The following EPHA6 variants were observed in gnomAD, a reference collection of about 807,000 sequenced individuals.
EPHA6 encodes ephrin type-A receptor 6.
EPHA6 carries 50 observed loss-of-function variants against 112.0 expected under a neutral mutation model. That is an observed-to-expected ratio of 0.45 (90% CI 0.36 to 0.56). EPHA6 has a LOEUF of 0.56. Among genes scored for constraint, EPHA6 ranks in the 20% least tolerant of loss-of-function variants. The probability of loss-of-function intolerance (pLI) is 0.00; values close to 1 mark genes in which losing one functional copy is unlikely to be tolerated. For missense variants in EPHA6, 1,280 were observed against 1,417.4 expected (o/e 0.90, Z 1.56); for synonymous variants, 529 against 490.7 (o/e 1.08, Z -1.03).
rs911945310 is a variant in EPHA6, at chr3:97,224,851, T to C, written c.1115-1413T>C. Reference sequence around the variant, plus strand: ...ATTCTCTATAAATTGACTAGTATGTTAGAATTTTAAATATTGTTATAGATT... The same window carrying C: ...ATTCTCTATAAATTGACTAGTATGTCAGAATTTTAAATATTGTTATAGATT... On this transcript the variant is annotated intron_variant, in intron 3 of 17. Transcript: ENST00000389672. Among the ~76,000 whole-genome samples the C allele has an allele frequency of 1.1e-3, 173 of 152,256 alleles. 2 individuals carry two copies. Among genetic ancestry groups the C allele is most frequent in the African/African-American group, 3.9e-3 (162 of 41,570 alleles).
chr3:97,136,692 C>T (rs1053485811), intron 3 of EPHA6, among the ~76,000 whole-genome samples: 5 of 152,022 alleles, frequency 3.3e-5, no homozygotes, highest in Non-Finnish European at 5.9e-5. Context: ...TTACTGTCGA[C>T]AGAAAACTTC....
At chr3:96,995,565 G>C (rs1433660612) in intron 3 of EPHA6, among the ~76,000 whole-genome samples, 2 of 152,078 alleles carry the variant, frequency 1.3e-5, no homozygotes, top group Admixed American at 1.3e-4. Context: ...AATAATTACA[G>C]GCATACCTCG....
At chr3:96,940,765 C>T (rs374128383) in intron 2 of EPHA6, among the ~76,000 whole-genome samples, 4 of 152,092 alleles carry the variant, frequency 2.6e-5, no homozygotes, top group African/African-American at 4.8e-5. Context: ...TTTAGTGCTT[C>T]CTTCAGGAGC....
At chr3:96,934,091 C>A (rs1022563366) in intron 2 of EPHA6, among the ~76,000 whole-genome samples, 40 of 151,994 alleles carry the variant, frequency 2.6e-4, no homozygotes, top group Non-Finnish European at 4.9e-4. Context: ...TTAATAGCTT[C>A]ATTTTAAAAA....
chr3:97,475,306 G>A, intron 7 of EPHA6, 46 bp from the exon 8 acceptor site: 1 of 1,392,014 alleles, frequency 7.2e-7, no homozygotes, highest in Non-Finnish European at 1.0e-6. Flanking sequence ...GGTTTTAATA[G>A]TGAAATGTCA....
intron 3 of EPHA6, among the ~76,000 whole-genome samples, chr3:97,112,578 G>A (rs1041888594): frequency 1.3e-5 from 2 of 151,704 alleles, no homozygotes; most frequent in Admixed American, 1.3e-4. Context: ...GAAGAAAGTC[G>A]ATTTTGTATG....
chr3:97,754,436 CAA>C lies in EPHA6; in HGVS notation c.*5738_*5739del, dbSNP rs2035975745. The stretch of plus-strand genomic sequence containing the variant: ...AGACTTGGATTCTTTGCTCTTAATT[CAA>C]AAGAGTTTTTGTTTTATTAGCATTT... On this transcript the variant is annotated 3_prime_UTR_variant, in exon 18 of 18. Transcript: ENST00000389672. Among the ~76,000 whole-genome samples, 1 of 152,074 alleles carries C rather than the reference CAA, an allele frequency of 6.6e-6. No individual in the cohort carries two copies. Among genetic ancestry groups the C allele is most frequent in the South Asian group, 2.1e-4 (1 of 4,826 alleles).
At chr3:97,140,900 A>G (rs999241860) in intron 3 of EPHA6, among the ~76,000 whole-genome samples, 4 of 152,146 alleles carry the variant, frequency 2.6e-5, no homozygotes, top group African/African-American at 9.6e-5. Context: ...GATTAAAAAC[A>G]TAAGATCCAA....
chr3:97,130,343 A>G (rs969927483), intron 3 of EPHA6, among the ~76,000 whole-genome samples: 1 of 150,650 alleles, frequency 6.6e-6, no homozygotes, highest in Non-Finnish European at 1.5e-5. Context: ...TGGATTTCTC[A>G]ATTCTTCTAC....
At chr3:97,163,947 A>T (rs1418780337) in intron 3 of EPHA6, among the ~76,000 whole-genome samples, 2 of 152,140 alleles carry the variant, frequency 1.3e-5, no homozygotes, top group African/African-American at 2.4e-5. Flanking sequence ...TTTGATTTTT[A>T]ACAATTTCAA....
intron 5 of EPHA6, among the ~76,000 whole-genome samples, chr3:97,375,562 CTT>C (rs1159515951): frequency 6.6e-6 from 1 of 152,022 alleles, no homozygotes; most frequent in African/African-American, 2.4e-5. Context: ...AAAAAGGAGA[CTT>C]AAGAACATAG....
At chr3:97,237,157 C>T (rs749598311) in intron 4 of EPHA6, among the ~76,000 whole-genome samples, 68 of 150,576 alleles carry the variant, frequency 4.5e-4, no homozygotes, top group East Asian at 4.0e-4. Flanking sequence ...GAAATTGCAA[C>T]GACAGTTTGT....
chr3:96,834,553 CTGT>C (rs939353810), intron 1 of EPHA6, among the ~76,000 whole-genome samples: 3 of 151,880 alleles, frequency 2.0e-5, no homozygotes, highest in Non-Finnish European at 2.9e-5. Context: ...CCTGGAAGCC[CTGT>C]TGTTGTTTTT....
At chr3:97,336,419 C>T (rs1335073673) in intron 5 of EPHA6, among the ~76,000 whole-genome samples, 1 of 152,120 alleles carries the variant, frequency 6.6e-6, no homozygotes, top group Non-Finnish European at 1.5e-5. Context: ...GAGCATTCTG[C>T]TGTCATTATG....
intron 10 of EPHA6, among the ~76,000 whole-genome samples, chr3:97,523,350 T>A (rs1448884532): frequency 6.6e-6 from 1 of 152,154 alleles, no homozygotes; most frequent in East Asian, 1.9e-4. Context: ...GAATTTCTCC[T>A]TTATTACTTT....
At chr3:97,185,628 G>T (rs2077105927) in intron 3 of EPHA6, among the ~76,000 whole-genome samples, 1 of 152,042 alleles carries the variant, frequency 6.6e-6, no homozygotes, top group Admixed American at 6.6e-5. Flanking sequence ...ATGTAAACTA[G>T]CTCAACCATT....
At chr3:97,498,495 G>T (rs1053947303) in intron 10 of EPHA6, among the ~76,000 whole-genome samples, 1 of 152,100 alleles carries the variant, frequency 6.6e-6, no homozygotes, top group Non-Finnish European at 1.5e-5. Context: ...AAATAAAGGG[G>T]TAGGGAAGAG....
At chr3:97,469,321 A>G (rs528049222) in intron 7 of EPHA6, among the ~76,000 whole-genome samples, 1 of 151,716 alleles carries the variant, frequency 6.6e-6, no homozygotes, top group South Asian at 2.1e-4. Flanking sequence ...TGCCTCCCCA[A>G]CCTATCTTCT....
intron 2 of EPHA6, among the ~76,000 whole-genome samples, chr3:96,926,573 A>G (rs2040046161): frequency 6.6e-6 from 1 of 152,226 alleles, no homozygotes; most frequent in South Asian, 2.1e-4. Flanking sequence ...TACTTTCAAG[A>G]TACAGTGGGG....
Sources: gnomAD v4.1 joint callset for allele counts (sites outside exome capture counted in the v4.1 genomes callset) on GRCh38, gnomAD v4.1.1 for gene constraint, MANE v1.5 for transcripts, NCBI Gene and HGNC (gene_info 2026-07-23, HGNC 2026-07-21) for gene names.